RADIL: variants seen among roughly 807,000 people sequenced by gnomAD.
RADIL encodes ras-associating and dilute domain-containing protein.
In RADIL, 99 loss-of-function variants were observed where a neutral mutation model predicts 97.6. The observed-to-expected ratio is 1.01, with a 90% CI of 0.86 to 1.20. The LOEUF is 1.20. RADIL is among the 50% of genes most tolerant of loss of function. The probability of loss-of-function intolerance (pLI) is 0.00; values close to 1 mark genes in which losing one functional copy is unlikely to be tolerated. For missense variants in RADIL, 1,765 were observed against 1,498.9 expected (o/e 1.18, Z -2.93); for synonymous variants, 803 against 691.8 (o/e 1.16, Z -2.52).
At chr7:4,811,018 C>G (rs769636567) in intron 9 of RADIL, among the ~76,000 whole-genome samples, 2 of 151,976 alleles carry the variant, frequency 1.3e-5, no homozygotes, top group Non-Finnish European at 1.5e-5. Context: ...ATGCCTGTAA[C>G]CCCAGCTACT....
chr7:4,805,763 C>A (rs755353595), intron 9 of RADIL, 47 bp from the exon 10 acceptor site: 7 of 1,571,790 alleles, frequency 4.5e-6, no homozygotes, highest in Admixed American at 1.7e-5. Flanking sequence ...TGGGTGCAGA[C>A]CCCAGCCCAA....
intron 1 of RADIL, among the ~76,000 whole-genome samples, chr7:4,881,916 C>A (rs937263725): frequency 3.3e-5 from 5 of 152,090 alleles, no homozygotes; most frequent in African/African-American, 1.2e-4. Flanking sequence ...GTCTTAGAAG[C>A]TTGAACTTCA....
chr7:4,845,534 A>T (rs749931219), intron 2 of RADIL, among the ~76,000 whole-genome samples: 3 of 152,232 alleles, frequency 2.0e-5, no homozygotes, highest in Non-Finnish European at 2.9e-5. Flanking sequence ...CAGAATGAAA[A>T]GCACCAAAGC....
intron 2 of RADIL, among the ~76,000 whole-genome samples, chr7:4,865,994 T>C (rs1376965277): frequency 3.9e-5 from 6 of 152,182 alleles, no homozygotes; most frequent in Admixed American, 2.0e-4. Flanking sequence ...AACTATACCA[T>C]CTAGGTTTGT....
chr7:4,817,545 C>T lies in RADIL; in HGVS notation c.1616-194G>A, dbSNP rs1421039944. On this transcript the variant is annotated intron_variant, in intron 6 of 14. Coordinates refer to ENST00000399583, the MANE Select transcript of RADIL (RefSeq NM_018059.5). This position sits in a 1 kb window ranked among gnomAD's most constrained non-coding sequence, Gnocchi z 8.3. ...CGCAGCAAACCTGCCGCCACTCTTA[C>T]CTGGGGAGGGGAATGCCGGGAGGGG... Among the ~76,000 whole-genome samples, 1 of 152,130 alleles carries T rather than the reference C, an allele frequency of 6.6e-6. No individual in the cohort carries two copies. The highest frequency in any genetic ancestry group is 1.9e-4 in the East Asian group (1 of 5,180).
At position 4,879,582 on chromosome 7, in the gene RADIL, G is replaced by A. The variant is rs771704891; in HGVS notation, c.-64-1379C>T. Among the ~76,000 whole-genome samples the A allele has an allele frequency of 3.3e-5, 5 of 152,116 alleles. No individual in the cohort carries two copies. Among genetic ancestry groups the A allele is most frequent in the Admixed American group, 1.3e-4 (2 of 15,280 alleles). On this transcript the variant is annotated intron_variant, in intron 1 of 14. Coordinates refer to ENST00000399583, the MANE Select transcript of RADIL (RefSeq NM_018059.5). This position sits in a 1 kb window ranked among gnomAD's most constrained non-coding sequence, Gnocchi z 4.1. ...CACAGCACGGGTCGCCTGCCACTGC[G>A]ACCGGGGTCAGTACTAAACACCGCA...
At chr7:4,836,753 C>T in intron 2 of RADIL, 148 bp from the exon 3 acceptor site, 1 of 1,017,776 alleles carries the variant, frequency 9.8e-7, no homozygotes, top group South Asian at 1.5e-5. Flanking sequence ...GCCTGGCCAA[C>T]ACAGTGAAAC....
chr7:4,856,859 C>T (rs1044707491), intron 2 of RADIL, among the ~76,000 whole-genome samples: 11 of 152,206 alleles, frequency 7.2e-5, no homozygotes, highest in East Asian at 5.8e-4. Context: ...GTGAGAAATC[C>T]GGCCCTGGCC....
rs766800382 is a variant in RADIL at position 4,801,670 on chromosome 7, C to T, written c.2825G>A (p.Arg942Gln). The T allele has an allele frequency of 6.2e-6, 10 of 1,601,226 alleles. No homozygotes were observed. Among genetic ancestry groups the T allele is most frequent in the East Asian group, 2.3e-5 (1 of 44,200 alleles). The change falls in exon 12 of 15, where the codon CGG becomes CAG. Residue 942 changes from arginine (R) to glutamine (Q), a missense_variant. By Grantham distance (43) the Arg-to-Gln change is conservative. Coordinates refer to ENST00000399583, the MANE Select transcript of RADIL (RefSeq NM_018059.5). ...ERQRNGLSGL[R>Q]GAAPEGDSAA... ...GGGCTCACCTTCCGGAGCTGCACCC[C>T]GGAGGCCGCTGAGTCCGTTCCTCTG...
intron 1 of RADIL, among the ~76,000 whole-genome samples, chr7:4,881,080 A>G (rs1386340045): frequency 1.6e-5 from 2 of 121,216 alleles, no homozygotes; most frequent in Non-Finnish European, 3.2e-5. Context: ...AGCCTGGGCA[A>G]TGGAGTGAGA....
chr7:4,805,410 GGGGGGGTCCTCT>G (rs1782273387), intron 10 of RADIL, 144 bp downstream of exon 10: 5 of 796,920 alleles, frequency 6.3e-6, no homozygotes, highest in Non-Finnish European at 6.6e-6. Flanking sequence ...GGGGCGGGGC[GGGGGGGTCCTCT>G]GGGTGGAGGC....
At chr7:4,800,408 G>T in intron 12 of RADIL, 98 bp from the exon 13 acceptor site, 1 of 1,265,020 alleles carries the variant, frequency 7.9e-7, no homozygotes. Flanking sequence ...GGGCGTCAGG[G>T]ATGGGATGGC....
rs1782614287 is a variant in RADIL at position 4,814,100 on chromosome 7, G to C, written c.2139+1178C>G. The stretch of plus-strand genomic sequence containing the variant: ...TGGCCGAGTCAGCTTTCTTCAATCT[G>C]CTAAGGCAGTTCACCCATCTGCTTT... On this transcript the variant is annotated intron_variant, in intron 9 of 14. Coordinates refer to ENST00000399583, the MANE Select transcript of RADIL (RefSeq NM_018059.5). This position sits in a 1 kb window ranked among gnomAD's most constrained non-coding sequence, Gnocchi z 4.5. Among the ~76,000 whole-genome samples, 2 of 152,124 alleles carry C rather than the reference G, an allele frequency of 1.3e-5. No homozygotes were observed. The highest frequency in any genetic ancestry group is 4.8e-5 in the African/African-American group (2 of 41,422).
At chr7:4,825,585 GAA>G (rs918175363) in intron 5 of RADIL, among the ~76,000 whole-genome samples, 11 of 152,192 alleles carry the variant, frequency 7.2e-5, no homozygotes, top group African/African-American at 2.4e-4. Flanking sequence ...AAGAGAGAGA[GAA>G]AGAAAAAAGC....
rs533373646 is a variant in RADIL at position 4,862,355 on chromosome 7, G to GT, written c.535+15249_535+15250insA. The stretch of plus-strand genomic sequence containing the variant: ...CCCTTCGTGGTGGGAACCCGCGGTG[G>GT]AAAGCAGCTTCTGTCTTGTTTCTTG... On this transcript the variant is annotated intron_variant, in intron 2 of 14. Coordinates refer to ENST00000399583, the MANE Select transcript of RADIL (RefSeq NM_018059.5). Among the ~76,000 whole-genome samples, 177 of 152,322 alleles carry GT rather than the reference G, an allele frequency of 1.2e-3. 2 individuals carry two copies. Among genetic ancestry groups the GT allele is most frequent in the African/African-American group, 3.9e-3 (162 of 41,584 alleles).
At chr7:4,856,546 C>T (rs1043565886) in intron 2 of RADIL, among the ~76,000 whole-genome samples, 1 of 152,180 alleles carries the variant, frequency 6.6e-6, no homozygotes, top group Non-Finnish European at 1.5e-5. Context: ...TTTCACGGTT[C>T]ATTATCTGAT....
In RADIL at chr7:4,854,625, C is replaced by T. The variant is rs1351948222; in HGVS notation, c.536-18020G>A. ...AGGAGAATTACTTGAACCCGGGAGG[C>T]AAAGGTTGCAGTGAGCCGAGATGGC... On this transcript the variant is annotated intron_variant, in intron 2 of 14. Transcript: ENST00000399583. The surrounding 1 kb of genome is among the most constrained non-coding windows in gnomAD (Gnocchi z 5.1). Among the ~76,000 whole-genome samples the T allele has an allele frequency of 6.6e-6, 1 of 152,126 alleles. No individual in the cohort carries two copies. Among genetic ancestry groups the T allele is most frequent in the Non-Finnish European group, 1.5e-5 (1 of 68,036 alleles).
chr7:4,848,846 A>G (rs1783639485), intron 2 of RADIL, among the ~76,000 whole-genome samples: 1 of 152,160 alleles, frequency 6.6e-6, no homozygotes, highest in African/African-American at 2.4e-5. Context: ...TTTGTTAAAG[A>G]TAGGGAATTA....
intron 2 of RADIL, among the ~76,000 whole-genome samples, chr7:4,871,739 G>A (rs1048298875): frequency 3.9e-5 from 6 of 152,300 alleles, no homozygotes; most frequent in African/African-American, 1.4e-4. Flanking sequence ...TAGGAGCTAA[G>A]ACCCACAGAG....
Sources: allele counts gnomAD v4.1 joint callset (sites outside exome capture counted in the v4.1 genomes callset), GRCh38; gene constraint gnomAD v4.1.1; non-coding constraint Gnocchi (gnomAD v3.1); transcripts MANE v1.5; gene names NCBI Gene and HGNC (gene_info 2026-07-23, HGNC 2026-07-21).